Variants in UBE2E2 observed in about 807,000 individuals in gnomAD.
UBE2E2 encodes the protein ubiquitin-conjugating enzyme E2 E2.
In UBE2E2, 6 loss-of-function variants were observed where a neutral mutation model predicts 24.7. That is an observed-to-expected ratio of 0.24 (90% CI 0.13 to 0.48). The LOEUF (loss-of-function observed/expected upper bound fraction) is 0.48, where lower values mean the gene tolerates loss of function less well. Ranked by LOEUF, UBE2E2 falls within the 20% of genes least tolerant of loss-of-function variation. The pLI, the probability that UBE2E2 is intolerant of heterozygous loss-of-function variation, is 0.99. For synonymous variants in UBE2E2, 104 were observed against 83.6 expected, an observed-to-expected ratio of 1.24 and a Z score of -1.33; for missense variants, 169 against 245.0, an observed-to-expected ratio of 0.69 and a Z score of 2.07.
At chr3:23,464,282 C>T (rs1301235512) in intron 3 of UBE2E2, among the ~76,000 whole-genome samples, 2 of 152,096 alleles carry the variant, frequency 1.3e-5, no homozygotes, top group Non-Finnish European at 2.9e-5. Flanking sequence ...AAACCAGTAA[C>T]TTACCTTTAT....
At chr3:23,515,646 A>G (rs1185834220) in intron 4 of UBE2E2, among the ~76,000 whole-genome samples, 1 of 152,166 alleles carries the variant, frequency 6.6e-6, no homozygotes, top group African/African-American at 2.4e-5. Flanking sequence ...TTAATTAAGA[A>G]CATATAAAAG....
intron 3 of UBE2E2, among the ~76,000 whole-genome samples, chr3:23,351,129 C>T (rs1418666246): frequency 6.6e-6 from 1 of 152,114 alleles, no homozygotes; most frequent in East Asian, 1.9e-4. Context: ...TCATATCCAG[C>T]CAAACTAAGC....
At chr3:23,394,311 T>C (rs1217225088) in intron 3 of UBE2E2, among the ~76,000 whole-genome samples, 1 of 152,208 alleles carries the variant, frequency 6.6e-6, no homozygotes, top group Non-Finnish European at 1.5e-5. Flanking sequence ...TTATCAACAG[T>C]GTTGAAAGTA....
intron 3 of UBE2E2, among the ~76,000 whole-genome samples, chr3:23,471,125 T>G (rs1232491125): frequency 1.3e-5 from 2 of 152,194 alleles, no homozygotes; most frequent in Non-Finnish European, 2.9e-5. Context: ...GGTCACAGTT[T>G]GAAAATCCTG....
At position 23,203,457 on chromosome 3, in the gene UBE2E2, C is replaced by CT. The variant is rs1553629518; in HGVS notation, c.-16_-15insT. Reference sequence around the variant, plus strand: ...AGCCTGCGACCTGCACGGACACCCCCCCCTCAGGTATTCGCTCGGGCCGCG... The same window carrying CT: ...AGCCTGCGACCTGCACGGACACCCCCTCCCTCAGGTATTCGCTCGGGCCGCG... On this transcript the variant is annotated 5_prime_UTR_variant, in exon 1 of 6. Transcript: ENST00000396703. 5.2e-6 allele frequency: 5 copies of CT among 965,188 alleles called. No homozygotes were observed. In the East Asian group the frequency reaches 3.7e-4, roughly 72 times the overall value. 59.8% of individuals were successfully genotyped at this position (965,188 alleles called of 1,614,324 possible).
chr3:23,296,915 A>T (rs970357317), intron 3 of UBE2E2, among the ~76,000 whole-genome samples: 4 of 152,264 alleles, frequency 2.6e-5, no homozygotes, highest in Admixed American at 2.6e-4. Context: ...ACTAGTTTAC[A>T]GTCCCACCAA....
At chr3:23,449,110 G>C (rs559930560) in intron 3 of UBE2E2, among the ~76,000 whole-genome samples, 1 of 152,222 alleles carries the variant, frequency 6.6e-6, no homozygotes, top group East Asian at 1.9e-4. Context: ...GAAAAATTTA[G>C]GGTAACTCTT....
At chr3:23,481,809 C>T (rs955319725) in intron 3 of UBE2E2, among the ~76,000 whole-genome samples, 2 of 152,128 alleles carry the variant, frequency 1.3e-5, no homozygotes, top group East Asian at 3.8e-4. Context: ...CAAAGATAGC[C>T]GACGTTGACA....
At chr3:23,222,057 G>A (rs1696664652) in intron 3 of UBE2E2, among the ~76,000 whole-genome samples, 1 of 151,742 alleles carries the variant, frequency 6.6e-6, no homozygotes, top group Admixed American at 6.6e-5. Flanking sequence ...CTATTTTTGA[G>A]ATCTACATTT....
intron 3 of UBE2E2, among the ~76,000 whole-genome samples, chr3:23,309,721 C>T (rs1048010313): frequency 1.3e-5 from 2 of 152,088 alleles, no homozygotes; most frequent in African/African-American, 2.4e-5. Flanking sequence ...TGAATAGCAG[C>T]GTTTAGTCAT....
intron 3 of UBE2E2, among the ~76,000 whole-genome samples, chr3:23,274,704 G>A (rs1698338284): frequency 6.6e-6 from 1 of 151,984 alleles, no homozygotes; most frequent in Non-Finnish European, 1.5e-5. Flanking sequence ...TCCTTCATAT[G>A]TGTGTTCCAC....
chr3:23,507,376 A>G (rs1694481178), intron 4 of UBE2E2, among the ~76,000 whole-genome samples: 2 of 152,160 alleles, frequency 1.3e-5, no homozygotes, highest in African/African-American at 2.4e-5. Context: ...CCCTTTCCCC[A>G]ATTAGCATGT....
rs1421015888 is a variant in UBE2E2, at chr3:23,236,264, G to A, written c.227+18952G>A. Among the ~76,000 whole-genome samples, 10 of 152,028 alleles carry A rather than the reference G, an allele frequency of 6.6e-5. No individual in the cohort carries two copies. The East Asian group carries it at 7.7e-4, about 12-fold the overall frequency. ...TAAAGTTGTAATTACTTTCTTCACCGGGAAAGTAATAAGTAAATAAAGACT... is the reference window on the plus strand; with the variant it reads ...TAAAGTTGTAATTACTTTCTTCACCAGGAAAGTAATAAGTAAATAAAGACT... On this transcript the variant is annotated intron_variant, in intron 3 of 5. Transcript: ENST00000396703.
intron 3 of UBE2E2, among the ~76,000 whole-genome samples, chr3:23,382,039 T>C (rs1362364217): frequency 6.6e-6 from 1 of 152,248 alleles, no homozygotes; most frequent in Non-Finnish European, 1.5e-5. Flanking sequence ...AACCCACTTT[T>C]TAAAACAGTT....
chr3:23,228,531 G>A (rs1185178032), intron 3 of UBE2E2, among the ~76,000 whole-genome samples: 2 of 151,904 alleles, frequency 1.3e-5, no homozygotes, highest in African/African-American at 2.4e-5. Flanking sequence ...ATTTCTTTAC[G>A]GTGATTATTA....
intron 3 of UBE2E2, among the ~76,000 whole-genome samples, chr3:23,354,219 C>T (rs1313963089): frequency 6.6e-6 from 1 of 151,926 alleles, no homozygotes; most frequent in African/African-American, 2.4e-5. Context: ...TTCCTTACAC[C>T]TTATACAAAA....
intron 5 of UBE2E2, among the ~76,000 whole-genome samples, chr3:23,584,808 G>A (rs1386805162): frequency 1.3e-5 from 2 of 149,612 alleles, no homozygotes; most frequent in African/African-American, 4.9e-5. Flanking sequence ...CTCGGCTCAG[G>A]CCATCCTCCT....
At chr3:23,461,936 A>G (rs868760249) in intron 3 of UBE2E2, among the ~76,000 whole-genome samples, 2 of 152,132 alleles carry the variant, frequency 1.3e-5, no homozygotes, top group Admixed American at 6.6e-5. Flanking sequence ...CATGTACTGT[A>G]TAGGGTTTTT....
intron 3 of UBE2E2, among the ~76,000 whole-genome samples, chr3:23,381,969 A>T (rs2125351782): frequency 1.3e-5 from 2 of 152,302 alleles, no homozygotes; most frequent in Middle Eastern, 6.8e-3. Context: ...GTTGGTCTTC[A>T]TGATCTAAAG....
Sources: gnomAD v4.1 joint callset for allele counts (sites outside exome capture counted in the v4.1 genomes callset) on GRCh38, gnomAD v4.1.1 for gene constraint, MANE v1.5 for transcripts, NCBI Gene and HGNC (gene_info 2026-07-23, HGNC 2026-07-21) for gene names.